Variants in FOLH1 observed in about 807,000 individuals in gnomAD.
FOLH1 encodes glutamate carboxypeptidase 2.
Under a neutral mutation model 93.9 loss-of-function variants are expected in FOLH1, and 54 were observed. The observed-to-expected ratio is 0.57, with a 90% CI of 0.46 to 0.72. FOLH1 has a LOEUF of 0.72. Ranked by LOEUF, FOLH1 falls within the 30% of genes least tolerant of loss-of-function variation. The pLI, the probability that FOLH1 is intolerant of heterozygous loss-of-function variation, is 0.00. For synonymous variants in FOLH1, 249 were observed against 303.6 expected, an observed-to-expected ratio of 0.82 and a Z score of 1.87; for missense variants, 571 against 892.5, an observed-to-expected ratio of 0.64 and a Z score of 4.59.
chr11:49,153,192 A>C (rs1290625995), intron 17 of FOLH1, among the ~76,000 whole-genome samples: 1 of 151,722 alleles, frequency 6.6e-6, no homozygotes, highest in Non-Finnish European at 1.5e-5. Flanking sequence ...TTTTCCTTCC[A>C]TCTTAAAATT....
chr11:49,207,452 C>T (rs1864104211), intron 1 of FOLH1, among the ~76,000 whole-genome samples: 1 of 152,198 alleles, frequency 6.6e-6, no homozygotes, highest in African/African-American at 2.4e-5. Flanking sequence ...ATGCCCTGTT[C>T]TTCTAAATCC....
In FOLH1 at chr11:49,145,613, C is replaced by T. The variant is rs368322145; in HGVS notation, c.*1143G>A. On this transcript the variant is annotated 3_prime_UTR_variant, in exon 19 of 19. Coordinates refer to ENST00000256999, the MANE Select transcript of FOLH1 (RefSeq NM_004476.3). Reference sequence around the variant, plus strand: ...AGATTCTTCAAGGGCAACACTACAGCGACTTCTTAACTTTGAGCGAGGCCA... The same window carrying T: ...AGATTCTTCAAGGGCAACACTACAGTGACTTCTTAACTTTGAGCGAGGCCA... Among the ~76,000 whole-genome samples the T allele has an allele frequency of 2.0e-5, 3 of 152,220 alleles. No individual in the cohort carries two copies. The highest frequency in any genetic ancestry group is 2.9e-5 in the Non-Finnish European group (2 of 68,002).
chr11:49,207,748 A>G (rs1864133343), intron 1 of FOLH1: 1 of 375,434 alleles, frequency 2.7e-6, no homozygotes, highest in Non-Finnish European at 5.2e-6. Context: ...AATTTAATAA[A>G]AGAGTCTGAG....
rs770988853 is a variant in FOLH1 at position 49,192,846 on chromosome 11, C to T, written c.460G>A (p.Val154Ile). ...CTGAAAGGTGGTACAATATCCGAAA[C>T]ATTTTCATATCCTGGAGGAGGTGGT... is the stretch of plus-strand genomic sequence containing the variant. ...FEPPPPGYEN[V>I]SDIVPPFSAF... The change falls in exon 4 of 19, where the codon GTT (valine) becomes ATT (isoleucine). Residue 154 changes from valine (V) to isoleucine (I), a missense_variant. Val to Ile is a conservative substitution (Grantham distance 29). This residue lies in a region of FOLH1 where 500 missense variants were observed against 822.9 expected (regional missense o/e 0.61). Transcript: ENST00000256999. The T allele has an allele frequency of 1.0e-5, 16 of 1,607,234 alleles. No individual in the cohort carries two copies. In the East Asian group the frequency reaches 3.4e-4, roughly 34 times the overall value.
Position 49,175,864 on chromosome 11 carries a change from A to G in FOLH1, c.1014T>C (p.Ser338=), listed in dbSNP as rs144950409. The change falls in exon 8 of 19, where the codon TCT becomes TCC. Residue 338 remains serine (S), a synonymous_variant. Coordinates refer to ENST00000256999, the MANE Select transcript of FOLH1 (RefSeq NM_004476.3). ...NVGPGFTGNF[S]TQKVKMHIHS... ...AATTAAAATAGTCTCTTAACTGTGT[A>G]GAAAAGTTTCCAGTAAAGCCAGGTC... The G allele has an allele frequency of 0.1, 162,694 of 1,612,640 alleles. 9,611 individuals carry two copies. Among genetic ancestry groups the G allele is most frequent in the South Asian group, 0.23 (20,463 of 90,860 alleles).
intron 12 of FOLH1, among the ~76,000 whole-genome samples, chr11:49,168,275 G>A (rs1311573643): frequency 1.3e-5 from 2 of 151,370 alleles, no homozygotes; most frequent in Non-Finnish European, 2.9e-5. Flanking sequence ...CACATAAAGA[G>A]GTGTTGAAGA....
At chr11:49,189,247 C>T (rs185981439) in intron 4 of FOLH1, among the ~76,000 whole-genome samples, 2 of 152,214 alleles carry the variant, frequency 1.3e-5, no homozygotes, top group East Asian at 1.9e-4. Flanking sequence ...GCTTGCCTTT[C>T]GAAAGTCTTT....
intron 1 of FOLH1, chr11:49,208,034 CCA>C (rs766705123): frequency 3.5e-4 from 226 of 648,864 alleles, no homozygotes; most frequent in Non-Finnish European, 5.7e-4. Context: ...CTTCCTACGC[CCA>C]GTTTCAGGTT....
At chr11:49,154,832 A>T (rs1856841062) in intron 15 of FOLH1, among the ~76,000 whole-genome samples, 1 of 152,168 alleles carries the variant, frequency 6.6e-6, no homozygotes, top group Non-Finnish European at 1.5e-5. Context: ...CATTTGGATA[A>T]AAAGAAGACG....
At chr11:49,190,622 C>T (rs1861928246) in intron 4 of FOLH1, among the ~76,000 whole-genome samples, 1 of 152,180 alleles carries the variant, frequency 6.6e-6, no homozygotes, top group African/African-American at 2.4e-5. Flanking sequence ...CCCCATTAAA[C>T]TTAGGGAGTG....
chr11:49,196,898 C>T (rs1255001923), intron 3 of FOLH1, among the ~76,000 whole-genome samples: 1 of 152,158 alleles, frequency 6.6e-6, no homozygotes, highest in Non-Finnish European at 1.5e-5. Flanking sequence ...TGCAGTAATA[C>T]AAATGGGAGG....
intron 17 of FOLH1, among the ~76,000 whole-genome samples, chr11:49,149,120 G>T (rs533602822): frequency 6.6e-6 from 1 of 152,094 alleles, no homozygotes; most frequent in East Asian, 1.9e-4. Context: ...GTGGGGTGGG[G>T]TGAGGGGGGA....
chr11:49,198,277 C>T (rs552110136), intron 3 of FOLH1, among the ~76,000 whole-genome samples: 19 of 152,086 alleles, frequency 1.2e-4, no homozygotes, highest in African/African-American at 4.6e-4. Flanking sequence ...GTCAGCAGAT[C>T]GAGACCATCC....
intron 1 of FOLH1, chr11:49,208,004 A>G: frequency 1.5e-6 from 1 of 654,934 alleles, no homozygotes; most frequent in East Asian, 2.9e-5. Context: ...TCTGTCTTGC[A>G]GGGCTCCAGC....
intron 12 of FOLH1, among the ~76,000 whole-genome samples, chr11:49,167,868 A>C (rs879829750): frequency 2.3e-4 from 34 of 151,060 alleles, no homozygotes; most frequent in Non-Finnish European, 4.7e-4. Context: ...GAAAAAAAAA[A>C]CAAACAAACA....
rs1219439994 is a variant in FOLH1 at position 49,154,457 on chromosome 11, G to A, written c.1659C>T (p.His553=). 1 of 1,603,434 alleles carries A rather than the reference G, an allele frequency of 6.2e-7. No individual in the cohort carries two copies. The highest frequency in any genetic ancestry group is 8.5e-7 in the Non-Finnish European group (1 of 1,172,746). Residue 553 remains histidine, a synonymous_variant, in exon 16 of 19, where the codon CAC becomes CAT. Transcript: ENST00000256999. ...CCAACTCATATGTTTCATAGACACT[G>A]TGATACAGTGGATAGCCGCTGAATT... The part of the protein sequence containing the change: ...TNKFSGYPLY[H]SVYETYELVE...
intron 1 of FOLH1, chr11:49,207,670 G>A (rs2135364066): frequency 2.9e-6 from 1 of 342,266 alleles, no homozygotes; most frequent in Admixed American, 3.9e-5. Flanking sequence ...ATAAAATAGG[G>A]TAACTAACGC....
intron 15 of FOLH1, among the ~76,000 whole-genome samples, chr11:49,155,815 T>TATATATATATAA (rs1349186426): frequency 3.0e-5 from 4 of 131,408 alleles, no homozygotes; most frequent in Non-Finnish European, 6.7e-5. Flanking sequence ...TATATATATA[T>TATATATATATAA]ATATATATAT....
At chr11:49,176,265 G>C (rs1860026437) in intron 7 of FOLH1, among the ~76,000 whole-genome samples, 2 of 152,154 alleles carry the variant, frequency 1.3e-5, no homozygotes, top group South Asian at 4.1e-4. Context: ...AAATCTAAAA[G>C]TGCTTTCCAG....
Sources: gnomAD v4.1 joint callset for allele counts (sites outside exome capture counted in the v4.1 genomes callset) on GRCh38, gnomAD v4.1.1 for gene constraint, gnomAD v4.1.1 regional missense constraint, MANE v1.5 for transcripts, NCBI Gene and HGNC (gene_info 2026-07-23, HGNC 2026-07-21) for gene names.